RAG1: variants seen among roughly 807,000 people sequenced by gnomAD.
RAG1 encodes the protein recombination activating 1.
RAG1 carries 35 observed loss-of-function variants against 62.7 expected under a neutral mutation model. The observed-to-expected ratio is 0.56, with a 90% CI of 0.43 to 0.74. The LOEUF (loss-of-function observed/expected upper bound fraction) is 0.74, where lower values mean the gene tolerates loss of function less well. Ranked by LOEUF, RAG1 falls within the 30% of genes least tolerant of loss-of-function variation. The pLI is 0.00. For missense variants in RAG1, 1,169 were observed against 1,278.6 expected, an observed-to-expected ratio of 0.91 and a Z score of 1.31; for synonymous variants, 461 against 470.3, an observed-to-expected ratio of 0.98 and a Z score of 0.26.
At chr11:36,543,035 C>T (rs1850332946) in intron 3 of RAG1, among the ~76,000 whole-genome samples, 1 of 152,196 alleles carries the variant, frequency 6.6e-6, no homozygotes, top group South Asian at 2.1e-4. Flanking sequence ...TCTGTCACTT[C>T]AGATTTGAAC....
intron 3 of RAG1, among the ~76,000 whole-genome samples, chr11:36,541,391 A>G (rs933385878): frequency 6.6e-6 from 1 of 152,218 alleles, no homozygotes; most frequent in Non-Finnish European, 1.5e-5. Context: ...GCACAAGATG[A>G]TTTCACATGG....
intron 3 of RAG1, among the ~76,000 whole-genome samples, chr11:36,545,945 G>T (rs1590681996): frequency 6.6e-6 from 1 of 152,274 alleles, no homozygotes; most frequent in East Asian, 1.9e-4. Flanking sequence ...ATTGCACTGT[G>T]GTCTCAGAGA....
upstream of RAG1, among the ~76,000 whole-genome samples, chr11:36,563,056 G>A (rs941368827): frequency 3.3e-5 from 5 of 152,116 alleles, no homozygotes; most frequent in Non-Finnish European, 7.4e-5. Context: ...TTCTTATAAG[G>A]ATACCAGTAA....
At chr11:36,565,495 T>C (rs1305079464), upstream of RAG1, among the ~76,000 whole-genome samples, 1 of 152,198 alleles carries the variant, frequency 6.6e-6, no homozygotes, top group Non-Finnish European at 1.5e-5. Context: ...ATCACTAGTC[T>C]GGGAGGTCTG....
At chr11:36,562,070 G>T (rs1487402367) in intron 3 of RAG1, among the ~76,000 whole-genome samples, 2 of 152,156 alleles carry the variant, frequency 1.3e-5, no homozygotes, top group African/African-American at 2.4e-5. Flanking sequence ...AGAGGCCTTT[G>T]GCTTTTATTC....
chr11:36,516,836 A>G (rs1860003312), intron 1 of RAG1, among the ~76,000 whole-genome samples: 1 of 152,230 alleles, frequency 6.6e-6, no homozygotes, highest in Non-Finnish European at 1.5e-5. Flanking sequence ...ATGTTGGAGC[A>G]TGTGCCTTTG....
intron 3 of RAG1, among the ~76,000 whole-genome samples, chr11:36,542,494 C>T (rs1850320654): frequency 6.6e-6 from 1 of 152,188 alleles, no homozygotes; most frequent in Non-Finnish European, 1.5e-5. Context: ...CTAGTGGCAT[C>T]TGTTATGACC....
At chr11:36,523,025 T>A (rs1468938290) in intron 2 of RAG1, among the ~76,000 whole-genome samples, 3 of 152,212 alleles carry the variant, frequency 2.0e-5, no homozygotes, top group Admixed American at 6.5e-5. Flanking sequence ...AGGGACTTGC[T>A]TTGTCTCAGA....
chr11:36,528,329 A>G (rs1041511666), intron 2 of RAG1, among the ~76,000 whole-genome samples: 1 of 152,200 alleles, frequency 6.6e-6, no homozygotes, highest in Non-Finnish European at 1.5e-5. Flanking sequence ...AGAACTCAGA[A>G]TTAAGAAACT....
At chr11:36,560,867 C>A (rs1325516871) in intron 3 of RAG1, among the ~76,000 whole-genome samples, 1 of 152,188 alleles carries the variant, frequency 6.6e-6, no homozygotes, top group Non-Finnish European at 1.5e-5. Flanking sequence ...CATCTTGAAT[C>A]TCCATGATTC....
intron 1 of RAG1, among the ~76,000 whole-genome samples, chr11:36,519,205 C>G (rs1039807668): frequency 6.6e-6 from 1 of 151,934 alleles, no homozygotes; most frequent in Non-Finnish European, 1.5e-5. Flanking sequence ...TATAAAGGGT[C>G]AATATTACAA....
At chr11:36,560,441 G>T (rs1850566982) in intron 3 of RAG1, among the ~76,000 whole-genome samples, 1 of 152,122 alleles carries the variant, frequency 6.6e-6, no homozygotes, top group South Asian at 2.1e-4. Flanking sequence ...ATGGAGTCTT[G>T]GATTCCTGGC....
At chr11:36,561,610 A>G (rs977027563) in intron 3 of RAG1, among the ~76,000 whole-genome samples, 2 of 152,166 alleles carry the variant, frequency 1.3e-5, no homozygotes, top group African/African-American at 4.8e-5. Flanking sequence ...GCATCATGCA[A>G]TTCATGGAAG....
At chr11:36,536,824 T>C (rs1024448500), downstream of RAG1, among the ~76,000 whole-genome samples, 1 of 151,468 alleles carries the variant, frequency 6.6e-6, no homozygotes, top group Non-Finnish European at 1.5e-5. Flanking sequence ...AGTGGCACGA[T>C]CTCAGCTCAC....
intron 3 of RAG1, among the ~76,000 whole-genome samples, chr11:36,543,328 G>A (rs1204220518): frequency 6.6e-6 from 1 of 152,204 alleles, no homozygotes; most frequent in African/African-American, 2.4e-5. Flanking sequence ...TCCAGCATCA[G>A]AGAACCCACG....
chr11:36,524,505 T>C (rs1386631120), intron 2 of RAG1, among the ~76,000 whole-genome samples: 1 of 148,106 alleles, frequency 6.8e-6, no homozygotes, highest in Non-Finnish European at 1.5e-5. Context: ...TTTTTTTTTT[T>C]CAGACAAGGT....
intron 3 of RAG1, among the ~76,000 whole-genome samples, chr11:36,557,953 G>A (rs1368352881): frequency 2.6e-5 from 4 of 152,064 alleles, no homozygotes; most frequent in African/African-American, 9.7e-5. Context: ...AATATTTTTA[G>A]GGGAAGGGTA....
At chr11:36,514,772 C>A (rs1407529630) in intron 1 of RAG1, among the ~76,000 whole-genome samples, 4 of 152,156 alleles carry the variant, frequency 2.6e-5, no homozygotes, top group Non-Finnish European at 5.9e-5. Context: ...GGAGCTCAGG[C>A]AGTAATGTGA....
Position 36,574,961 on chromosome 11 carries a change from G to T in RAG1, c.1657G>T (p.Val553Leu). The change falls in exon 2 of 2, where the codon GTG becomes TTG. Residue 553 changes from valine to leucine, a missense_variant. This residue lies in a region of RAG1 where 800 missense variants were observed against 943.3 expected (regional missense o/e 0.85). Transcript: ENST00000299440. The part of the protein sequence containing the change: ...GLSSSVDDYP[V>L]DTIAKRFRYD... Reference sequence around the variant, plus strand: ...ATCATCCTCTGTGGATGATTACCCAGTGGACACCATTGCAAAGAGGTTCCG... The same window carrying T: ...ATCATCCTCTGTGGATGATTACCCATTGGACACCATTGCAAAGAGGTTCCG... The T allele has an allele frequency of 6.2e-7, 1 of 1,614,230 alleles. No homozygotes were observed. Among genetic ancestry groups the T allele is most frequent in the Non-Finnish European group, 8.5e-7 (1 of 1,180,048 alleles).
Sources: allele counts gnomAD v4.1 joint callset (sites outside exome capture counted in the v4.1 genomes callset), GRCh38; gene constraint gnomAD v4.1.1; regional missense constraint gnomAD v4.1.1; transcripts MANE v1.5; gene names NCBI Gene and HGNC (gene_info 2026-07-23, HGNC 2026-07-21).